Variants in AGBL4 observed in about 807,000 individuals in gnomAD.
The protein encoded by AGBL4 is cytosolic carboxypeptidase 6.
A neutral mutation model predicts 66.4 loss-of-function variants in AGBL4; 58 were observed. That is an observed-to-expected ratio of 0.87 (90% CI 0.71 to 1.09). AGBL4 has a LOEUF of 1.09. Among genes scored for constraint, AGBL4 ranks in the 50% least tolerant of loss-of-function variants. The pLI is 0.00. For synonymous variants in AGBL4, 234 were observed against 222.9 expected, an observed-to-expected ratio of 1.05 and a Z score of -0.44; for missense variants, 579 against 631.0, an observed-to-expected ratio of 0.92 and a Z score of 0.88.
chr1:49,849,302 G>A (rs61785464), intron 2 of AGBL4, among the ~76,000 whole-genome samples: 1,811 of 151,988 alleles, frequency 0.012, 19 homozygotes, highest in Non-Finnish European at 0.018. Flanking sequence ...GTGTGGGAAG[G>A]CCCTCCAGGG....
chr1:49,848,862 G>A (rs1571709051), intron 2 of AGBL4, among the ~76,000 whole-genome samples: 1 of 152,096 alleles, frequency 6.6e-6, no homozygotes, highest in Admixed American at 6.5e-5. Context: ...AAAGTCCATG[G>A]CATGAAATGT....
intron 4 of AGBL4, among the ~76,000 whole-genome samples, chr1:49,090,956 T>C (rs1644992837): frequency 2.0e-5 from 3 of 152,100 alleles, no homozygotes; most frequent in African/African-American, 4.8e-5. Context: ...CATCTGATGT[T>C]TGACAAAGTT....
intron 5 of AGBL4, among the ~76,000 whole-genome samples, chr1:48,955,421 A>G (rs1657360100): frequency 6.6e-6 from 1 of 152,192 alleles, no homozygotes; most frequent in Admixed American, 6.5e-5. Flanking sequence ...GCACCCAATG[A>G]AGGATTTCCT....
chr1:49,913,082 A>G (rs1014809313), intron 1 of AGBL4, among the ~76,000 whole-genome samples: 1 of 152,208 alleles, frequency 6.6e-6, no homozygotes, highest in African/African-American at 2.4e-5. Flanking sequence ...TTGCACATAC[A>G]AAATACATTT....
intron 6 of AGBL4, among the ~76,000 whole-genome samples, chr1:48,668,918 C>T (rs379757): frequency 0.53 from 80,989 of 152,050 alleles, 22,067 homozygotes; most frequent in Middle Eastern, 0.65. Flanking sequence ...AGCGGAGAAG[C>T]ACTAAATGCA....
intron 3 of AGBL4, among the ~76,000 whole-genome samples, chr1:49,360,657 T>C (rs1034014251): frequency 6.6e-5 from 10 of 152,170 alleles, no homozygotes; most frequent in African/African-American, 2.4e-4. Flanking sequence ...AGTAGGTACC[T>C]TTCAATTCAG....
chr1:48,550,955 T>G (rs1644240478), intron 11 of AGBL4, among the ~76,000 whole-genome samples: 1 of 152,254 alleles, frequency 6.6e-6, no homozygotes, highest in Non-Finnish European at 1.5e-5. Flanking sequence ...TCCACTGCTA[T>G]TGCATTGTTC....
chr1:48,586,195 T>C (rs1644817708), intron 11 of AGBL4: 1 of 152,126 alleles, frequency 6.6e-6, no homozygotes, highest in Non-Finnish European at 1.5e-5. Flanking sequence ...CCTTAAAAAA[T>C]TAGGCAAACT....
At chr1:48,798,105 AG>A (rs1338848952) in intron 6 of AGBL4, among the ~76,000 whole-genome samples, 2 of 152,142 alleles carry the variant, frequency 1.3e-5, no homozygotes, top group Non-Finnish European at 2.9e-5. Flanking sequence ...GCAATGTAAA[AG>A]TGTCCTCTTT....
intron 1 of AGBL4, chr1:49,995,042 A>G: frequency 2.3e-6 from 1 of 442,100 alleles, no homozygotes; most frequent in Non-Finnish European, 4.5e-6. Context: ...GTCCATGGGG[A>G]GAGATGCCAC....
intron 2 of AGBL4, among the ~76,000 whole-genome samples, chr1:49,732,233 A>G (rs1216627737): frequency 6.6e-6 from 1 of 152,242 alleles, no homozygotes; most frequent in African/African-American, 2.4e-5. Context: ...CAGTGGAGGC[A>G]GAGAGACCCA....
At position 48,534,085 on chromosome 1, in the gene AGBL4, T is replaced by C. The variant is rs1382813091; in HGVS notation, c.*88A>G. On this transcript the variant is annotated 3_prime_UTR_variant, in exon 14 of 14. Coordinates refer to ENST00000371839, the MANE Select transcript of AGBL4 (RefSeq NM_032785.4). The stretch of plus-strand genomic sequence containing the variant: ...AGCCTATGCATTAATCCACAAATCC[T>C]TGGAAGCTAGAGAAGAGTGATTAAT... 16 of 1,538,158 alleles carry C rather than the reference T, an allele frequency of 1.0e-5. No individual in the cohort carries two copies. Among genetic ancestry groups the C allele is most frequent in the African/African-American group, 1.4e-5 (1 of 72,656 alleles).
intron 1 of AGBL4, among the ~76,000 whole-genome samples, chr1:50,001,717 A>C (rs1660771645): frequency 6.6e-6 from 1 of 152,188 alleles, no homozygotes; most frequent in African/African-American, 2.4e-5. Flanking sequence ...AGCTCCAGCC[A>C]ACAGTGAATG....
chr1:48,839,141 A>G (rs1373010783), intron 6 of AGBL4, among the ~76,000 whole-genome samples: 2 of 152,176 alleles, frequency 1.3e-5, no homozygotes, highest in Non-Finnish European at 2.9e-5. Context: ...AACTACAATT[A>G]GAAATAACAT....
chr1:48,597,906 GAGGAAGGA>G (rs778680556), intron 9 of AGBL4, among the ~76,000 whole-genome samples: 1 of 150,080 alleles, frequency 6.7e-6, no homozygotes, highest in African/African-American at 2.4e-5. Context: ...GGGAGGGAAG[GAGGAAGGA>G]AGGAAGGAAG....
intron 6 of AGBL4, among the ~76,000 whole-genome samples, chr1:48,838,667 C>G (rs1646735754): frequency 6.6e-6 from 1 of 151,980 alleles, no homozygotes; most frequent in East Asian, 1.9e-4. Flanking sequence ...TACAGACAAT[C>G]AAAGCAAAAA....
At chr1:48,539,512 CAGG>C in intron 12 of AGBL4, 127 bp downstream of exon 12, 4 of 644,828 alleles carry the variant, frequency 6.2e-6, no homozygotes, top group Admixed American at 7.8e-5. Flanking sequence ...ATCTCGGTGG[CAGG>C]GCCAGGATTA....
intron 3 of AGBL4, among the ~76,000 whole-genome samples, chr1:49,589,716 C>A (rs776651583): frequency 6.6e-6 from 1 of 151,948 alleles, no homozygotes; most frequent in Non-Finnish European, 1.5e-5. Context: ...TTTATTACTG[C>A]GAGAGTGAAA....
intron 1 of AGBL4, among the ~76,000 whole-genome samples, chr1:49,887,519 G>A (rs1032948971): frequency 6.6e-6 from 1 of 151,730 alleles, no homozygotes; most frequent in African/African-American, 2.4e-5. Flanking sequence ...AGCTTATATG[G>A]GTATATAAAA....
Sources: allele counts gnomAD v4.1 joint callset (sites outside exome capture counted in the v4.1 genomes callset), GRCh38; gene constraint gnomAD v4.1.1; transcripts MANE v1.5; gene names NCBI Gene and HGNC (gene_info 2026-07-23, HGNC 2026-07-21).